Variants in AGPAT4 observed in about 807,000 individuals in gnomAD.
AGPAT4 encodes 1-acyl-sn-glycerol-3-phosphate acyltransferase delta.
AGPAT4 carries 15 observed loss-of-function variants against 48.0 expected under a neutral mutation model. That is an observed-to-expected ratio of 0.31 (90% confidence interval 0.21 to 0.48). The LOEUF (loss-of-function observed/expected upper bound fraction) is 0.48, where lower values mean the gene tolerates loss of function less well. Among genes scored for constraint, AGPAT4 ranks in the 20% least tolerant of loss-of-function variants. AGPAT4 has a pLI of 0.99. For missense variants in AGPAT4, 314 were observed against 482.5 expected (o/e 0.65, Z 3.27); for synonymous variants, 178 against 198.7 (o/e 0.90, Z 0.88).
rs568888749 is a variant in AGPAT4 at position 161,178,640 on chromosome 6, G to A, written c.179-12223C>T. Among the ~76,000 whole-genome samples the A allele has an allele frequency of 8.4e-4, 128 of 152,264 alleles. No individual in the cohort carries two copies. Among genetic ancestry groups the A allele is most frequent in the Non-Finnish European group, 1.4e-3 (94 of 68,004 alleles). On this transcript the variant is annotated intron_variant, in intron 2 of 8. Coordinates refer to ENST00000320285, the MANE Select transcript of AGPAT4 (RefSeq NM_020133.3). This position sits in a 1 kb window ranked among gnomAD's most constrained non-coding sequence, Gnocchi z 5.1. ...CTCGCGTGGGCTGCACCCACTGTCC[G>A]ACAAGCCCCAGTGAGATGAACCTGG... is the stretch of plus-strand genomic sequence containing the variant.
chr6:161,136,530 C>T lies in AGPAT4; in HGVS notation c.*10G>A. 6.2e-7 allele frequency: 1 copy of T among 1,613,706 alleles called. No individual in the cohort carries two copies. Among genetic ancestry groups the T allele is most frequent in the Non-Finnish European group, 8.5e-7 (1 of 1,179,706 alleles). On this transcript the variant is annotated 3_prime_UTR_variant, in exon 9 of 9. Transcript: ENST00000320285. ...CCAAGGTTCCCTTCGGATGGTGACA[C>T]CTCCCTGAGTCAGTCATTCAGTTTC...
Position 161,232,006 on chromosome 6 carries a change from G to C in AGPAT4, c.178+30C>G. The C allele has an allele frequency of 1.2e-6, 2 of 1,606,970 alleles. No homozygotes were observed. The highest frequency in any genetic ancestry group is 1.7e-6 in the Non-Finnish European group (2 of 1,174,420). ...TTCTGATACACACATCCACAATGGA[G>C]ACGAAAATATAGAATCTTAAGTATC... On this transcript the variant is annotated intron_variant, in intron 2 of 8. Transcript: ENST00000320285. The surrounding 1 kb of genome is among the most constrained non-coding windows in gnomAD (Gnocchi z 6.8).
At chr6:161,213,524 T>G (rs1781570897) in intron 2 of AGPAT4, among the ~76,000 whole-genome samples, 1 of 152,178 alleles carries the variant, frequency 6.6e-6, no homozygotes, top group South Asian at 2.1e-4. Flanking sequence ...GTTCCTTCCT[T>G]TTTTTCCCAA....
rs1778936458 is a variant in AGPAT4, at chr6:161,132,603, T to C, written c.*3937A>G. The C allele has an allele frequency of 1.3e-5, 2 of 152,298 alleles. No individual in the cohort carries two copies. Among genetic ancestry groups the C allele is most frequent in the Non-Finnish European group, 2.9e-5 (2 of 68,076 alleles). 9.4% of individuals were successfully genotyped at this position (152,298 alleles called of 1,614,324 possible). ...CTTCTGCCCCGTGCCAAGGCGTGAC[T>C]AGGACCAGAAGAATCAGAAAGCATG... On this transcript the variant is annotated 3_prime_UTR_variant, in exon 9 of 9. Coordinates refer to ENST00000320285, the MANE Select transcript of AGPAT4 (RefSeq NM_020133.3).
chr6:161,270,339 T>C lies in AGPAT4; in HGVS notation c.-90+3599A>G, dbSNP rs1280532685. Among the ~76,000 whole-genome samples the C allele has an allele frequency of 6.6e-6, 1 of 152,208 alleles. No homozygotes were observed. The highest frequency in any genetic ancestry group is 1.5e-5 in the Non-Finnish European group (1 of 68,040). On this transcript the variant is annotated intron_variant, in intron 1 of 8. Coordinates refer to ENST00000320285, the MANE Select transcript of AGPAT4 (RefSeq NM_020133.3). The surrounding 1 kb of genome is among the most constrained non-coding windows in gnomAD (Gnocchi z 5.3). Reference sequence around the variant, plus strand: ...GAGTTCCAGCGCTTCCTTTCCAAACTGATTCTCACACAAAGAATAATGAAT... The same window carrying C: ...GAGTTCCAGCGCTTCCTTTCCAAACCGATTCTCACACAAAGAATAATGAAT...
Position 161,242,411 on chromosome 6 carries a change from C to T in AGPAT4, c.-89-10109G>A, listed in dbSNP as rs1461725590. Among the ~76,000 whole-genome samples the T allele has an allele frequency of 1.3e-5, 2 of 152,128 alleles. No homozygotes were observed. Among genetic ancestry groups the T allele is most frequent in the South Asian group, 2.1e-4 (1 of 4,826 alleles). The stretch of plus-strand genomic sequence containing the variant: ...GTTGGGGTGCTCATGAGTATTTAAG[C>T]GACTTCCCTTTCACAGTCAGTCCTG... On this transcript the variant is annotated intron_variant, in intron 1 of 8. Transcript: ENST00000320285. This position sits in a 1 kb window ranked among gnomAD's most constrained non-coding sequence, Gnocchi z 5.0.
At chr6:161,263,183 G>A (rs1783154191) in intron 1 of AGPAT4, among the ~76,000 whole-genome samples, 1 of 29,638 alleles carries the variant, frequency 3.4e-5, no homozygotes, top group Non-Finnish European at 5.6e-5. Context: ...GGATGCTTAA[G>A]GAAGGTGCAT....
chr6:161,188,790 G>A (rs1042391877), intron 2 of AGPAT4, among the ~76,000 whole-genome samples: 1 of 152,188 alleles, frequency 6.6e-6, no homozygotes, highest in Non-Finnish European at 1.5e-5. Flanking sequence ...TCTGGGTTGA[G>A]CAGCCAGCGG....
intron 2 of AGPAT4, among the ~76,000 whole-genome samples, chr6:161,185,045 G>C (rs1780728062): frequency 6.6e-6 from 1 of 151,732 alleles, no homozygotes; most frequent in South Asian, 2.1e-4. Context: ...GGGTGGAGCG[G>C]GGGGTCTGTT....
intron 2 of AGPAT4, among the ~76,000 whole-genome samples, chr6:161,209,551 C>T (rs1781468700): frequency 6.6e-6 from 1 of 152,136 alleles, no homozygotes; most frequent in Admixed American, 6.5e-5. Context: ...AACAGGGGGA[C>T]TCTGAAAGCA....
Position 161,166,052 on chromosome 6 carries a change from C to A in AGPAT4, c.348+196G>T. 1.4e-6 allele frequency: 1 copy of A among 690,450 alleles called. No individual in the cohort carries two copies. 42.8% of individuals were successfully genotyped at this position (690,450 alleles called of 1,614,324 possible). On this transcript the variant is annotated intron_variant, in intron 3 of 8. Coordinates refer to ENST00000320285, the MANE Select transcript of AGPAT4 (RefSeq NM_020133.3). The surrounding 1 kb of genome is among the most constrained non-coding windows in gnomAD (Gnocchi z 6.7). Reference sequence around the variant, plus strand: ...GCCGGCAGGTAGCAATTGTTGAGTACCTCTTATGATTGCCCATAAGAAGCT... The same window carrying A: ...GCCGGCAGGTAGCAATTGTTGAGTAACTCTTATGATTGCCCATAAGAAGCT...
At chr6:161,156,590 T>A (rs1438632069) in intron 3 of AGPAT4, among the ~76,000 whole-genome samples, 1 of 152,238 alleles carries the variant, frequency 6.6e-6, no homozygotes, top group Non-Finnish European at 1.5e-5. Context: ...TTATTATGAC[T>A]TTATGAAAAA....
At chr6:161,269,761 T>C (rs1783370421) in intron 1 of AGPAT4, among the ~76,000 whole-genome samples, 1 of 152,194 alleles carries the variant, frequency 6.6e-6, no homozygotes, top group Non-Finnish European at 1.5e-5. Context: ...ATATCTATAA[T>C]ATACAGTGCC....
In AGPAT4 at chr6:161,164,779, C is replaced by T. The variant is rs1385139658; in HGVS notation, c.348+1469G>A. Among the ~76,000 whole-genome samples the T allele has an allele frequency of 1.3e-5, 2 of 152,174 alleles. No individual in the cohort carries two copies. Among genetic ancestry groups the T allele is most frequent in the South Asian group, 2.1e-4 (1 of 4,828 alleles). ...GCAAGCAGGGATTGGAAGGCACCCC[C>T]AAGTTCAATGGGCCTTCTGCTCTAC... is the stretch of plus-strand genomic sequence containing the variant. On this transcript the variant is annotated intron_variant, in intron 3 of 8. Coordinates refer to ENST00000320285, the MANE Select transcript of AGPAT4 (RefSeq NM_020133.3). The surrounding 1 kb of genome is among the most constrained non-coding windows in gnomAD (Gnocchi z 7.4).
chr6:161,271,399 T>C (rs942722130), intron 1 of AGPAT4, among the ~76,000 whole-genome samples: 7 of 152,244 alleles, frequency 4.6e-5, no homozygotes, highest in African/African-American at 1.7e-4. Flanking sequence ...AGCTGGGTGC[T>C]CTGCTCTTCT....
In AGPAT4 at chr6:161,161,763, C is replaced by T. The variant is rs1350012509; in HGVS notation, c.348+4485G>A. The T allele has an allele frequency of 3.1e-6, 1 of 318,462 alleles. No individual in the cohort carries two copies. The highest frequency in any genetic ancestry group is 7.6e-5 in the East Asian group (1 of 13,096). The allele number at this position is 318,462 out of a possible 1,614,324, so 19.7% of individuals were successfully genotyped here. ...AACACGGTCTCCTAGAGAAACCACA[C>T]ACAATCAACACTCACTGGACACGTA... On this transcript the variant is annotated intron_variant, in intron 3 of 8. Transcript: ENST00000320285. This position sits in a 1 kb window ranked among gnomAD's most constrained non-coding sequence, Gnocchi z 4.6.
chr6:161,143,750 A>G lies in AGPAT4; in HGVS notation c.843+2774T>C, dbSNP rs1452706275. On this transcript the variant is annotated intron_variant, in intron 7 of 8. Coordinates refer to ENST00000320285, the MANE Select transcript of AGPAT4 (RefSeq NM_020133.3). The surrounding 1 kb of genome is among the most constrained non-coding windows in gnomAD (Gnocchi z 4.7). ...ACTCAAAGGATGGCCCTGTTTTCAGAGATGGTGCCTTTCCCATATTAAAGA... is the reference window on the plus strand; with the variant it reads ...ACTCAAAGGATGGCCCTGTTTTCAGGGATGGTGCCTTTCCCATATTAAAGA... Among the ~76,000 whole-genome samples, 2 of 152,218 alleles carry G rather than the reference A, an allele frequency of 1.3e-5. No homozygotes were observed. The highest frequency in any genetic ancestry group is 4.8e-5 in the African/African-American group (2 of 41,454).
chr6:161,153,620 GC>G (rs1252295199), intron 4 of AGPAT4, 121 bp from the exon 5 acceptor site: 3 of 1,242,040 alleles, frequency 2.4e-6, no homozygotes, highest in Non-Finnish European at 2.2e-6. Context: ...ATCACACAGG[GC>G]CCCATGGTTA....
At position 161,136,518 on chromosome 6, in the gene AGPAT4, C is replaced by G. The variant is rs574841833; in HGVS notation, c.*22G>C. On this transcript the variant is annotated 3_prime_UTR_variant, in exon 9 of 9. Transcript: ENST00000320285. ...GCCACCAGTTCCCCAAGGTTCCCTT[C>G]GGATGGTGACACCTCCCTGAGTCAG... is the stretch of plus-strand genomic sequence containing the variant. The G allele has an allele frequency of 6.2e-7, 1 of 1,606,320 alleles. No individual in the cohort carries two copies. The highest frequency in any genetic ancestry group is 1.3e-5 in the African/African-American group (1 of 74,792).
Sources: gnomAD v4.1 joint callset for allele counts (sites outside exome capture counted in the v4.1 genomes callset) on GRCh38, gnomAD v4.1.1 for gene constraint, Gnocchi (gnomAD v3.1) non-coding constraint, MANE v1.5 for transcripts, NCBI Gene and HGNC (gene_info 2026-07-23, HGNC 2026-07-21) for gene names.